L3MBTL1: variants seen among roughly 807,000 people sequenced by gnomAD.
L3MBTL1 encodes the protein lethal(3)malignant brain tumor-like protein 1.
Under a neutral mutation model 105.3 loss-of-function variants are expected in L3MBTL1, and 75 were observed. The ratio of observed to expected loss-of-function variants is 0.71; its 90% CI spans 0.59 to 0.86. The LOEUF (loss-of-function observed/expected upper bound fraction) is 0.86, where lower values mean the gene tolerates loss of function less well. Ranked by LOEUF, L3MBTL1 falls within the 40% of genes least tolerant of loss-of-function variation. The pLI is 0.00. For missense variants in L3MBTL1, 1,069 were observed against 1,126.4 expected (o/e 0.95, Z 0.73); for synonymous variants, 452 against 436.2 (o/e 1.04, Z -0.45).
At chr20:43,528,623 C>T (rs375346108) in intron 7 of L3MBTL1, 34 bp from the exon 8 acceptor site, 46 of 1,531,610 alleles carry the variant, frequency 3.0e-5, no homozygotes, top group Non-Finnish European at 4.0e-5. Context: ...TCAGGAACAG[C>T]CCAGGAGTTA....
At chr20:43,533,093 T>C (rs1223029825) in intron 12 of L3MBTL1, among the ~76,000 whole-genome samples, 169 bp downstream of exon 12, 1 of 152,218 alleles carries the variant, frequency 6.6e-6, no homozygotes, top group East Asian at 1.9e-4. Context: ...TACAGCTCAA[T>C]ATTAAATGTT....
At chr20:43,537,437 C>T (rs2019686770) in intron 19 of L3MBTL1, among the ~76,000 whole-genome samples, 1 of 152,170 alleles carries the variant, frequency 6.6e-6, no homozygotes. Context: ...CAAAGTGTCT[C>T]TTCTTGTAAG....
chr20:43,550,225 C>G (rs562173187), exon 19 of L3MBTL1: 26 of 152,320 alleles, frequency 1.7e-4, no homozygotes, highest in African/African-American at 6.3e-4. Context: ...GAGATGTTCA[C>G]TGACTTTGTG....
intron 20 of L3MBTL1, 52 bp downstream of exon 20, chr20:43,540,360 C>T (rs780859812): frequency 6.3e-7 from 1 of 1,594,916 alleles, no homozygotes; most frequent in Admixed American, 1.7e-5. Flanking sequence ...TCCTCCCTCT[C>T]ACCATACCCT....
At position 43,535,866 on chromosome 20, in the gene L3MBTL1, G is replaced by T; in HGVS notation, c.1855G>T (p.Gly619Trp). ...CAGAGAGCCCAGCTCTGCCTCCCCT[G>T]GGGGCTGTCCCCCTCTCAGCTATAG... ...GPREPSSASP[G>W]GCPPLSYRSL... The change falls in exon 17 of 22, where the codon GGG becomes TGG. Residue 619 changes from glycine (G) to tryptophan (W), a missense_variant. Transcript: ENST00000418998. 4 of 1,609,314 alleles carry T rather than the reference G, an allele frequency of 2.5e-6. No individual in the cohort carries two copies. Among genetic ancestry groups the T allele is most frequent in the Non-Finnish European group, 3.4e-6 (4 of 1,177,898 alleles).
At chr20:43,515,184 A>G (rs762239461) in intron 5 of L3MBTL1, 25 bp downstream of exon 5, 16 of 1,613,922 alleles carry the variant, frequency 9.9e-6, no homozygotes, top group African/African-American at 1.3e-5. Flanking sequence ...TCGCAGCCCT[A>G]CTTGCTCTAC....
intron 18 of L3MBTL1, among the ~76,000 whole-genome samples, chr20:43,547,294 C>T (rs1185376422): frequency 1.3e-5 from 2 of 151,910 alleles, no homozygotes; most frequent in African/African-American, 4.8e-5. Context: ...TTAGTAGAAG[C>T]GGGGTTTCAC....
In L3MBTL1 at chr20:43,516,174, C is replaced by G; in HGVS notation, c.859C>G (p.Pro287Ala). 4 of 1,612,982 alleles carry G rather than the reference C, an allele frequency of 2.5e-6. No homozygotes were observed. Among genetic ancestry groups the G allele is most frequent in the Non-Finnish European group, 3.4e-6 (4 of 1,179,076 alleles). Residue 287 changes from proline (P) to alanine (A), a missense_variant, in exon 7 of 22, where the codon CCT (proline) becomes GCT (alanine). By Grantham distance (27) the Pro-to-Ala change is conservative (BLOSUM62 -1). Transcript: ENST00000418998. ...GAGTGAGGAGTGGAGCAGCAGCCAG[C>G]CTGGTACGGTGGCTTGTGTGTATAT... Reference protein sequence around the residue: ...PESEEWSSSQPATGEKKECWS... With the variant: ...PESEEWSSSQAATGEKKECWS...
chr20:43,512,381 C>CT (rs537388683), intron 1 of L3MBTL1, among the ~76,000 whole-genome samples: 117 of 152,038 alleles, frequency 7.7e-4, no homozygotes, highest in African/African-American at 2.6e-3. Flanking sequence ...TATTTATTTA[C>CT]TTATTTCTTG....
intron 7 of L3MBTL1, among the ~76,000 whole-genome samples, chr20:43,523,086 G>A (rs1004876437): frequency 3.3e-5 from 5 of 151,872 alleles, no homozygotes; most frequent in Non-Finnish European, 5.9e-5. Flanking sequence ...CAGCCTGGGT[G>A]ACAGAGTGAG....
Position 43,534,096 on chromosome 20 carries a change from G to A in L3MBTL1, c.1599+3G>A. The A allele has an allele frequency of 6.2e-7, 1 of 1,612,204 alleles. No homozygotes were observed. Among genetic ancestry groups the A allele is most frequent in the Non-Finnish European group, 8.5e-7 (1 of 1,178,250 alleles). Reference sequence around the variant, plus strand: ...TCCCCACCTGGGCCTTCAAGGTGGTGAGTCAGTGCTCCCTGACCCCAGAGC... The same window carrying A: ...TCCCCACCTGGGCCTTCAAGGTGGTAAGTCAGTGCTCCCTGACCCCAGAGC... On this transcript the variant is annotated splice_donor_region_variant and intron_variant, in intron 14 of 21. Coordinates refer to ENST00000418998, the MANE Select transcript of L3MBTL1 (RefSeq NM_001377303.1).
chr20:43,536,302 G>C lies in L3MBTL1; in HGVS notation c.2123+8G>C. 6.2e-7 allele frequency: 1 copy of C among 1,612,574 alleles called. No homozygotes were observed. On this transcript the variant is annotated splice_region_variant and intron_variant, in intron 18 of 21. Transcript: ENST00000418998. ...GCCTCGCCATCACGGCCGGTATGGA[G>C]GCCAGGGAATCAGGGCCCGGGCTTC...
intron 6 of L3MBTL1, 125 bp downstream of exon 6, chr20:43,515,540 C>T: frequency 1.5e-6 from 2 of 1,314,534 alleles, no homozygotes; most frequent in Non-Finnish European, 1.0e-6. Flanking sequence ...ACTCACTCAT[C>T]ATATTTTGGG....
chr20:43,535,969 C>T (rs368727047), intron 17 of L3MBTL1, 33 bp downstream of exon 17: 60 of 1,595,048 alleles, frequency 3.8e-5, no homozygotes, highest in Non-Finnish European at 4.5e-5. Flanking sequence ...AGACCCTCAG[C>T]GTTGTTTTGC....
At position 43,530,629 on chromosome 20, in the gene L3MBTL1, T is replaced by C. The variant is rs531749705; in HGVS notation, c.1193-169T>C. 130 of 778,868 alleles carry C rather than the reference T, an allele frequency of 1.7e-4. No homozygotes were observed. The African/African-American group carries it at 2.1e-3, about 12-fold the overall frequency. The allele number at this position is 778,868 out of a possible 1,614,324, so 48.2% of individuals were successfully genotyped here. ...TTCCGCTTTGCACTTGCCCTTTGAG[T>C]GTCTACTCAAGTCGTGTCCTGCTTC... On this transcript the variant is annotated intron_variant, in intron 10 of 21. Coordinates refer to ENST00000418998, the MANE Select transcript of L3MBTL1 (RefSeq NM_001377303.1).
intron 7 of L3MBTL1, among the ~76,000 whole-genome samples, chr20:43,518,153 CT>C (rs35791307): frequency 0.09 from 12,465 of 138,870 alleles, 676 homozygotes; most frequent in Admixed American, 0.17. Flanking sequence ...CCCCCAACGC[CT>C]TTTTTTTTTT....
chr20:43,514,718 C>A lies in L3MBTL1; in HGVS notation c.444C>A (p.Thr148=), dbSNP rs371999326. 3 of 1,579,990 alleles carry A rather than the reference C, an allele frequency of 1.9e-6. No homozygotes were observed. The Admixed American group carries it at 5.6e-5, about 29-fold the overall frequency. Residue 148 remains threonine (T), a synonymous_variant, in exon 4 of 22, where the codon ACC becomes ACA. Transcript: ENST00000418998. ...CCGAGCTGCGGCAGGAAGGCGTGACCGAATACGAAGATGGCGGGGCCCCGG... is the reference window on the plus strand; with the variant it reads ...CCGAGCTGCGGCAGGAAGGCGTGACAGAATACGAAGATGGCGGGGCCCCGG... The part of the protein sequence containing the change: ...PSPELRQEGV[T]EYEDGGAPAG...
chr20:43,507,814 G>A (rs2018018985), intron 1 of L3MBTL1, 70 bp downstream of exon 1: 1 of 152,158 alleles, frequency 6.6e-6, no homozygotes, highest in Non-Finnish European at 1.5e-5. Context: ...GCTCCGTCCA[G>A]GGCGGCGAGG....
At position 43,520,567 on chromosome 20, in the gene L3MBTL1, A is replaced by G. The variant is rs376049552; in HGVS notation, c.862+4390A>G. ...CCCATCTTCACCAATGCTTGTTATT[A>G]TCTTTTTTATTATGGTCATTCTAGA... On this transcript the variant is annotated intron_variant, in intron 7 of 21. Coordinates refer to ENST00000418998, the MANE Select transcript of L3MBTL1 (RefSeq NM_001377303.1). 3.9e-5 allele frequency among the ~76,000 whole-genome samples: 6 copies of G among 152,230 alleles called. 1 individual carries two copies. Among genetic ancestry groups the G allele is most frequent in the Admixed American group, 2.0e-4 (3 of 15,292 alleles).
Sources: allele counts gnomAD v4.1 joint callset (sites outside exome capture counted in the v4.1 genomes callset), GRCh38; gene constraint gnomAD v4.1.1; transcripts MANE v1.5; gene names NCBI Gene and HGNC (gene_info 2026-07-23, HGNC 2026-07-21).